JAK1: variants seen among roughly 807,000 people sequenced by gnomAD.
JAK1 encodes tyrosine-protein kinase JAK1.
JAK1 carries 16 observed loss-of-function variants against 136.6 expected under a neutral mutation model. The observed-to-expected ratio is 0.12, with a 90% CI of 0.08 to 0.18. The LOEUF is 0.18. Ranked by LOEUF, JAK1 falls within the 10% of genes least tolerant of loss-of-function variation. The pLI, the probability that JAK1 is intolerant of heterozygous loss-of-function variation, is 1.00. For synonymous variants in JAK1, 492 were observed against 519.5 expected (o/e 0.95, Z 0.72); for missense variants, 859 against 1,450.1 (o/e 0.59, Z 6.62).
chr1:65,036,891 T>C (rs540965720), intron 2 of JAK1, among the ~76,000 whole-genome samples: 11 of 152,302 alleles, frequency 7.2e-5, no homozygotes, highest in South Asian at 2.1e-4. Context: ...TACATGCTTA[T>C]AAGGATTGAG....
At chr1:64,935,119 T>A (rs1557705110) in intron 1 of JAK1, among the ~76,000 whole-genome samples, 1 of 152,156 alleles carries the variant, frequency 6.6e-6, no homozygotes, top group Admixed American at 6.5e-5. Flanking sequence ...CGCAGATGCA[T>A]CAGACATCCT....
intron 2 of JAK1, among the ~76,000 whole-genome samples, chr1:65,029,342 T>C (rs187436430): frequency 2.8e-4 from 43 of 152,280 alleles, no homozygotes; most frequent in African/African-American, 9.9e-4. Context: ...TCAAGTGACC[T>C]GCCTGCCTCA....
chr1:65,055,868 T>C (rs965872957), intron 1 of JAK1, among the ~76,000 whole-genome samples: 5 of 152,200 alleles, frequency 3.3e-5, no homozygotes, highest in Admixed American at 6.5e-5. Context: ...CAACACTCAG[T>C]TCTTCAACAC....
Position 64,977,165 on chromosome 1 carries a change from G to GTTTGTTTA in JAK1, c.-78+67314_-78+67315insTAAACAAA, listed in dbSNP as rs35414864. On this transcript the variant is annotated intron_variant, in intron 2 of 25. Transcript: ENST00000671954. ...TGTTTGTTTGTTTGTTTGTTTGTTT[G>GTTTGTTTA]TTGAGATAGGATCTCCCTCTGTCGC... Among the ~76,000 whole-genome samples the GTTTGTTTA allele has an allele frequency of 4.0e-3, 606 of 151,800 alleles. 5 individuals carry two copies. The highest frequency in any genetic ancestry group is 0.011 in the African/African-American group (466 of 41,370).
At chr1:65,056,978 TTC>T (rs1647574244) in intron 1 of JAK1, among the ~76,000 whole-genome samples, 1 of 150,588 alleles carries the variant, frequency 6.6e-6, no homozygotes. Flanking sequence ...CTGGCCCCTC[TTC>T]TCTCTGTGGT....
chr1:64,843,433 C>T (rs369551847), intron 17 of JAK1, among the ~76,000 whole-genome samples: 5 of 152,306 alleles, frequency 3.3e-5, no homozygotes, highest in East Asian at 1.9e-4. Context: ...GTCCACACCT[C>T]GCCTGTTTTG....
Position 64,935,972 on chromosome 1 carries a change from C to A in JAK1, c.-78+30361G>T, listed in dbSNP as rs1307055048. 3.3e-5 allele frequency among the ~76,000 whole-genome samples: 5 copies of A among 152,274 alleles called. No homozygotes were observed. The South Asian group carries it at 8.3e-4, about 25-fold the overall frequency. ...ACACCTAGGACAGCTGCCCCACAAA[C>A]AGACGGTCCAGGGACACACCCTTGC... On this transcript the variant is annotated intron_variant, in intron 1 of 24. Transcript: ENST00000342505.
At chr1:64,952,139 T>C (rs76998344) in intron 1 of JAK1, among the ~76,000 whole-genome samples, 1,910 of 152,308 alleles carry the variant, frequency 0.013, 40 homozygotes, top group African/African-American at 0.044. Context: ...GAAACATTAC[T>C]GCAGCCAAAA....
At chr1:64,846,815 G>T in intron 13 of JAK1, 79 bp from the exon 14 acceptor site, 1 of 1,096,178 alleles carries the variant, frequency 9.1e-7, no homozygotes, top group Non-Finnish European at 1.4e-6. Flanking sequence ...TGAGGGGAAA[G>T]CCAGTGGACC....
At chr1:64,976,611 TA>T (rs1477066021) in intron 2 of JAK1, among the ~76,000 whole-genome samples, 9 of 152,232 alleles carry the variant, frequency 5.9e-5, no homozygotes, top group African/African-American at 1.9e-4. Flanking sequence ...AGGAGGCTAT[TA>T]TTATACTTCT....
At chr1:64,942,530 A>T (rs566669455) in intron 1 of JAK1, among the ~76,000 whole-genome samples, 29 of 152,326 alleles carry the variant, frequency 1.9e-4, no homozygotes, top group Admixed American at 1.8e-3. Context: ...AATAAAACTG[A>T]TCTTACATGG....
intron 2 of JAK1, among the ~76,000 whole-genome samples, chr1:64,998,176 A>G (rs1390391339): frequency 6.6e-6 from 1 of 152,230 alleles, no homozygotes; most frequent in Non-Finnish European, 1.5e-5. Flanking sequence ...AAGAGAGATT[A>G]CAAGACTTGG....
intron 1 of JAK1, among the ~76,000 whole-genome samples, chr1:64,917,546 G>A (rs1035026544): frequency 6.6e-6 from 1 of 152,156 alleles, no homozygotes; most frequent in Non-Finnish European, 1.5e-5. Context: ...TACTTATGTT[G>A]AGGGCAGTCA....
chr1:64,956,126 G>T (rs188249204), intron 1 of JAK1, among the ~76,000 whole-genome samples: 2 of 152,252 alleles, frequency 1.3e-5, no homozygotes, highest in African/African-American at 4.8e-5. Flanking sequence ...TACAATAGCA[G>T]ATTCAGTACT....
intron 22 of JAK1, 144 bp downstream of exon 22, chr1:64,837,788 C>A: frequency 1.7e-6 from 1 of 576,826 alleles, no homozygotes. Context: ...AGATAAATAT[C>A]AATCAATTCC....
chr1:64,963,500 T>C (rs1344835078), intron 1 of JAK1, among the ~76,000 whole-genome samples: 1 of 152,112 alleles, frequency 6.6e-6, no homozygotes, highest in Non-Finnish European at 1.5e-5. Flanking sequence ...TAACAAAGAA[T>C]TCGATAATAT....
At chr1:65,002,576 G>A (rs1180460746) in intron 2 of JAK1, 3 of 152,300 alleles carry the variant, frequency 2.0e-5, no homozygotes, top group African/African-American at 7.2e-5. Flanking sequence ...CTGCACCCAG[G>A]GAGCGCTCAG....
At chr1:64,878,597 A>G (rs556455467) in intron 4 of JAK1, among the ~76,000 whole-genome samples, 14 of 134,692 alleles carry the variant, frequency 1.0e-4, no homozygotes, top group Admixed American at 7.3e-4. Context: ...ATATATATAT[A>G]TATATATATC....
chr1:64,839,145 CAAAAAAAAAAA>C (rs56058898), intron 20 of JAK1, among the ~76,000 whole-genome samples: 2 of 59,870 alleles, frequency 3.3e-5, no homozygotes, highest in South Asian at 6.0e-4. Context: ...GACTCCGTCT[CAAAAAAAAAAA>C]AAAAAAAAAA....
Sources: allele counts gnomAD v4.1 joint callset (sites outside exome capture counted in the v4.1 genomes callset), GRCh38; gene constraint gnomAD v4.1.1; transcripts MANE v1.5; gene names NCBI Gene and HGNC (gene_info 2026-07-23, HGNC 2026-07-21).